The following TCF12 variants were observed in gnomAD, a reference collection of about 807,000 sequenced individuals.
TCF12 encodes DNA-binding protein HTF4.
A neutral mutation model predicts 86.0 loss-of-function variants in TCF12; 45 were observed. That is an observed-to-expected ratio of 0.52 (90% CI 0.41 to 0.67). TCF12 has a LOEUF of 0.67. Among genes scored for constraint, TCF12 ranks in the 30% least tolerant of loss-of-function variants. The pLI is 0.00. For synonymous variants in TCF12, 330 were observed against 299.6 expected (o/e 1.10, Z -1.05); for missense variants, 881 against 859.9 (o/e 1.02, Z -0.31).
chr15:57,149,905 G>A (rs1418382601), intron 5 of TCF12, among the ~76,000 whole-genome samples: 3 of 152,082 alleles, frequency 2.0e-5, no homozygotes, highest in Non-Finnish European at 4.4e-5. Flanking sequence ...TCCTTTAAAG[G>A]GGGTGTGTGA....
intron 3 of TCF12, among the ~76,000 whole-genome samples, chr15:56,998,648 C>G (rs187799260): frequency 6.6e-6 from 1 of 151,944 alleles, no homozygotes; most frequent in Admixed American, 6.5e-5. Context: ...ACAGAATCAC[C>G]GGGGGTACAG....
chr15:57,115,238 A>G (rs2050760457), intron 5 of TCF12, among the ~76,000 whole-genome samples: 1 of 152,242 alleles, frequency 6.6e-6, no homozygotes. Flanking sequence ...CTCTTGTTGC[A>G]GTAACTTTAA....
At chr15:57,101,143 T>G (rs1352055610) in intron 5 of TCF12, among the ~76,000 whole-genome samples, 2 of 152,134 alleles carry the variant, frequency 1.3e-5, no homozygotes, top group African/African-American at 4.8e-5. Context: ...TGGTATTTGT[T>G]GTTTTTATTT....
intron 3 of TCF12, among the ~76,000 whole-genome samples, chr15:56,999,958 C>A (rs1426472698): frequency 6.6e-6 from 1 of 152,170 alleles, no homozygotes; most frequent in Non-Finnish European, 1.5e-5. Flanking sequence ...ACCTCAGCCT[C>A]CCAAAGTGTT....
At chr15:56,958,750 G>A (rs553301148) in intron 3 of TCF12, among the ~76,000 whole-genome samples, 1 of 151,436 alleles carries the variant, frequency 6.6e-6, no homozygotes. Context: ...CGTGGCTCAT[G>A]CCTGTAATCC....
At chr15:57,058,057 G>A (rs1276009672) in intron 3 of TCF12, among the ~76,000 whole-genome samples, 1 of 152,136 alleles carries the variant, frequency 6.6e-6, no homozygotes, top group Non-Finnish European at 1.5e-5. Flanking sequence ...TAGCTCAAGA[G>A]CCTTTGTCAG....
At chr15:57,222,876 G>A (rs1271505440) in intron 8 of TCF12, among the ~76,000 whole-genome samples, 1 of 141,406 alleles carries the variant, frequency 7.1e-6, no homozygotes, top group Non-Finnish European at 1.5e-5. Context: ...AGATGCTACA[G>A]AGTATTCCAG....
At chr15:57,095,041 T>C (rs1454024097) in intron 5 of TCF12, among the ~76,000 whole-genome samples, 1 of 152,246 alleles carries the variant, frequency 6.6e-6, no homozygotes, top group Non-Finnish European at 1.5e-5. Flanking sequence ...AAGTGTTTTA[T>C]GCTGAATCAG....
intron 5 of TCF12, among the ~76,000 whole-genome samples, chr15:57,127,240 C>A (rs886197202): frequency 2.6e-5 from 4 of 152,102 alleles, no homozygotes; most frequent in African/African-American, 9.7e-5. Flanking sequence ...ATCTTGGCCT[C>A]CCAAAGTGCT....
At chr15:57,136,103 T>C (rs2052499376) in intron 5 of TCF12, among the ~76,000 whole-genome samples, 1 of 152,222 alleles carries the variant, frequency 6.6e-6, no homozygotes, top group Non-Finnish European at 1.5e-5. Flanking sequence ...TTTGTCTAAA[T>C]AAAATCATTG....
At chr15:57,269,465 G>A (rs1346669105) in intron 18 of TCF12, among the ~76,000 whole-genome samples, 1 of 143,202 alleles carries the variant, frequency 7.0e-6, no homozygotes, top group Non-Finnish European at 1.5e-5. Context: ...CGCATGAAGT[G>A]GGTCTCCTGA....
At chr15:57,024,715 A>C (rs1234582340) in intron 3 of TCF12, among the ~76,000 whole-genome samples, 1 of 152,188 alleles carries the variant, frequency 6.6e-6, no homozygotes, top group Non-Finnish European at 1.5e-5. Flanking sequence ...AGTAAGAAGA[A>C]TAGTGCCAAT....
chr15:57,180,065 T>A (rs1229081722), intron 6 of TCF12, among the ~76,000 whole-genome samples: 15 of 152,232 alleles, frequency 9.9e-5, no homozygotes, highest in Admixed American at 9.8e-4. Context: ...AACATATCCC[T>A]GAAATTTCAA....
chr15:56,942,153 G>T (rs1298071863), intron 3 of TCF12, among the ~76,000 whole-genome samples: 1 of 152,132 alleles, frequency 6.6e-6, no homozygotes, highest in African/African-American at 2.4e-5. Flanking sequence ...CATTTGCTCT[G>T]TGTGAAAAGA....
intron 5 of TCF12, among the ~76,000 whole-genome samples, chr15:57,157,038 G>T (rs74016130): frequency 0.1 from 15,686 of 152,152 alleles, 866 homozygotes; most frequent in Middle Eastern, 0.16. Flanking sequence ...TTGATAATTT[G>T]TTCCCTCTAT....
intron 5 of TCF12, among the ~76,000 whole-genome samples, chr15:57,159,720 T>C (rs200645446): frequency 1.6e-5 from 1 of 63,878 alleles, no homozygotes; most frequent in Non-Finnish European, 3.5e-5. Context: ...GTCTAATACT[T>C]AAATTATAAC....
chr15:57,214,303 C>G (rs1254997825), intron 8 of TCF12: 1 of 152,140 alleles, frequency 6.6e-6, no homozygotes, highest in African/African-American at 2.4e-5. Context: ...CTTTTAGAAG[C>G]TTTGTATGAT....
intron 5 of TCF12, among the ~76,000 whole-genome samples, chr15:57,123,970 A>AC (rs1313776402): frequency 2.2e-4 from 26 of 116,688 alleles, no homozygotes; most frequent in Admixed American, 5.2e-4. Flanking sequence ...CTCCGTCTCA[A>AC]AAAAAAAAAA....
intron 5 of TCF12, among the ~76,000 whole-genome samples, chr15:57,118,897 A>T (rs1485445349): frequency 6.6e-6 from 1 of 152,144 alleles, no homozygotes; most frequent in East Asian, 1.9e-4. Context: ...TTTCCTTAAG[A>T]TAGAGGTAAA....
Sources: allele counts gnomAD v4.1 joint callset (sites outside exome capture counted in the v4.1 genomes callset), GRCh38; gene constraint gnomAD v4.1.1; transcripts MANE v1.5; gene names NCBI Gene and HGNC (gene_info 2026-07-23, HGNC 2026-07-21).